CNTN4: variants seen among roughly 807,000 people sequenced by gnomAD.
CNTN4 encodes the protein contactin-4.
Under a neutral mutation model 122.5 loss-of-function variants are expected in CNTN4, and 77 were observed. That is an observed-to-expected ratio of 0.63 (90% CI 0.52 to 0.76). CNTN4 has a LOEUF of 0.76. CNTN4 is among the 30% of genes least tolerant of loss of function. The pLI, the probability that CNTN4 is intolerant of heterozygous loss-of-function variation, is 0.00. For synonymous variants in CNTN4, 512 were observed against 447.0 expected (o/e 1.15, Z -1.83); for missense variants, 1,256 against 1,259.1 (o/e 1.00, Z 0.04).
At chr3:2,738,209 G>T (rs188567727) in intron 5 of CNTN4, among the ~76,000 whole-genome samples, 194 of 152,182 alleles carry the variant, frequency 1.3e-3, no homozygotes, top group African/African-American at 4.5e-3. Context: ...TAGTGAAATG[G>T]TAGAACACCG....
chr3:3,009,708 C>G (rs1386220542), intron 14 of CNTN4, among the ~76,000 whole-genome samples: 3 of 152,206 alleles, frequency 2.0e-5, no homozygotes. Context: ...GCTGGGATTA[C>G]AGGCGTGAGC....
chr3:2,859,641 G>T (rs2093652911), intron 7 of CNTN4, among the ~76,000 whole-genome samples: 1 of 151,988 alleles, frequency 6.6e-6, no homozygotes, highest in African/African-American at 2.4e-5. Flanking sequence ...ACAGTTCTGA[G>T]AGCAGAGGAG....
chr3:2,914,040 C>T (rs1441894685), intron 12 of CNTN4, among the ~76,000 whole-genome samples: 1 of 152,126 alleles, frequency 6.6e-6, no homozygotes, highest in Non-Finnish European at 1.5e-5. Context: ...AATTGAACAA[C>T]TCATTCTTAA....
chr3:2,483,335 C>A, intron 3 of CNTN4, among the ~76,000 whole-genome samples: 1 of 152,166 alleles, frequency 6.6e-6, no homozygotes, highest in East Asian at 1.9e-4. Flanking sequence ...CCCATTGTAT[C>A]TAGGAAGTAA....
chr3:2,899,108 C>T (rs1321387177), intron 10 of CNTN4, among the ~76,000 whole-genome samples: 1 of 152,024 alleles, frequency 6.6e-6, no homozygotes, highest in African/African-American at 2.4e-5. Context: ...GTGTTTTGCT[C>T]GTTGAAAAAC....
intron 4 of CNTN4, among the ~76,000 whole-genome samples, chr3:2,696,106 A>C (rs1387243080): frequency 6.6e-6 from 1 of 152,230 alleles, no homozygotes. Context: ...TTTTGCCCCA[A>C]TTCTCTTGTT....
chr3:3,051,040 A>G (rs746114952), intron 23 of CNTN4, among the ~76,000 whole-genome samples: 7 of 152,100 alleles, frequency 4.6e-5, no homozygotes, highest in Non-Finnish European at 8.8e-5. Context: ...TTCTTAAAAC[A>G]TCGTAAGATG....
intron 3 of CNTN4, among the ~76,000 whole-genome samples, chr3:2,371,814 T>C (rs2045643873): frequency 6.6e-6 from 1 of 152,210 alleles, no homozygotes; most frequent in South Asian, 2.1e-4. Flanking sequence ...CAAAGCTAAA[T>C]TGAAGCTGAT....
chr3:2,337,355 T>C (rs2043997819), intron 2 of CNTN4, among the ~76,000 whole-genome samples: 1 of 152,174 alleles, frequency 6.6e-6, no homozygotes, highest in South Asian at 2.1e-4. Flanking sequence ...ATACTGCTTT[T>C]TGTGTGTACA....
intron 12 of CNTN4, among the ~76,000 whole-genome samples, chr3:2,919,980 T>TA (rs917699519): frequency 2.3e-4 from 35 of 151,150 alleles, no homozygotes; most frequent in Admixed American, 5.9e-4. Context: ...AAGTCTTTTA[T>TA]AAAAAAAAAT....
At chr3:2,853,445 A>G (rs1397567657) in intron 7 of CNTN4, among the ~76,000 whole-genome samples, 2 of 152,108 alleles carry the variant, frequency 1.3e-5, no homozygotes, top group Non-Finnish European at 2.9e-5. Context: ...GAGTTTCACC[A>G]CATTGGCCAG....
intron 4 of CNTN4, among the ~76,000 whole-genome samples, chr3:2,593,053 C>T (rs1461745650): frequency 6.6e-6 from 1 of 152,178 alleles, no homozygotes; most frequent in Non-Finnish European, 1.5e-5. Context: ...TTTGAGAATA[C>T]ATAACACCCA....
At chr3:2,857,760 A>AT (rs2093631742) in intron 7 of CNTN4, among the ~76,000 whole-genome samples, 1 of 151,972 alleles carries the variant, frequency 6.6e-6, no homozygotes, top group Admixed American at 6.5e-5. Flanking sequence ...CTAATTTTTT[A>AT]TTTTTGTAGA....
chr3:2,309,963 A>G (rs1169560816), intron 2 of CNTN4, among the ~76,000 whole-genome samples: 1 of 152,148 alleles, frequency 6.6e-6, no homozygotes, highest in African/African-American at 2.4e-5. Context: ...GTAAAAGCTT[A>G]CTTGTATTAA....
At chr3:2,565,149 G>C (rs1212417332) in intron 3 of CNTN4, among the ~76,000 whole-genome samples, 1 of 151,940 alleles carries the variant, frequency 6.6e-6, no homozygotes, top group Non-Finnish European at 1.5e-5. Flanking sequence ...TCTAAATAAG[G>C]GATTCCATCC....
chr3:2,809,161 C>T (rs367936641), intron 6 of CNTN4, among the ~76,000 whole-genome samples: 5 of 152,086 alleles, frequency 3.3e-5, no homozygotes, highest in African/African-American at 1.2e-4. Flanking sequence ...CAGATGGCGG[C>T]GGTGGTGATT....
chr3:2,695,845 A>G (rs1461138255), intron 4 of CNTN4, among the ~76,000 whole-genome samples: 1 of 152,154 alleles, frequency 6.6e-6, no homozygotes, highest in African/African-American at 2.4e-5. Flanking sequence ...TTATGAGCAA[A>G]TGTTTTCCAA....
chr3:2,192,377 C>T (rs2037616235), intron 2 of CNTN4, among the ~76,000 whole-genome samples: 1 of 152,076 alleles, frequency 6.6e-6, no homozygotes, highest in Non-Finnish European at 1.5e-5. Context: ...TTCTCCACAT[C>T]CTCTCCAGCA....
chr3:2,846,863 G>C (rs1304133749), intron 7 of CNTN4, among the ~76,000 whole-genome samples: 3 of 152,130 alleles, frequency 2.0e-5, no homozygotes, highest in African/African-American at 7.2e-5. Context: ...GGGTGTGGTG[G>C]TGCATGCCTA....
Sources: gnomAD v4.1 joint callset for allele counts (sites outside exome capture counted in the v4.1 genomes callset) on GRCh38, gnomAD v4.1.1 for gene constraint, MANE v1.5 for transcripts, NCBI Gene and HGNC (gene_info 2026-07-23, HGNC 2026-07-21) for gene names.